The following TNR variants were observed in gnomAD, a reference collection of about 807,000 sequenced individuals.
TNR encodes the protein tenascin-R.
TNR carries 45 observed loss-of-function variants against 150.4 expected under a neutral mutation model. That is an observed-to-expected ratio of 0.30 (90% CI 0.24 to 0.38). The LOEUF (loss-of-function observed/expected upper bound fraction) is 0.38, where lower values mean the gene tolerates loss of function less well. Among genes scored for constraint, TNR ranks in the 10% least tolerant of loss-of-function variants. The pLI, the probability that TNR is intolerant of heterozygous loss-of-function variation, is 1.00. For synonymous variants in TNR, 687 were observed against 678.4 expected, an observed-to-expected ratio of 1.01 and a Z score of -0.20; for missense variants, 1,544 against 1,759.1, an observed-to-expected ratio of 0.88 and a Z score of 2.19.
chr1:175,424,264 G>A (rs1654874752), intron 2 of TNR, among the ~76,000 whole-genome samples: 1 of 152,196 alleles, frequency 6.6e-6, no homozygotes, highest in South Asian at 2.1e-4. Flanking sequence ...GTCTAAGGTT[G>A]ACTTCAGTCT....
chr1:175,569,382 G>A (rs995397013), intron 1 of TNR, among the ~76,000 whole-genome samples: 8 of 152,132 alleles, frequency 5.3e-5, no homozygotes, highest in Non-Finnish European at 1.0e-4. Context: ...GTCCACAAAA[G>A]AACCAAAGAT....
intron 2 of TNR, among the ~76,000 whole-genome samples, chr1:175,502,900 C>A (rs1658796512): frequency 6.7e-6 from 1 of 149,406 alleles, no homozygotes; most frequent in Non-Finnish European, 1.5e-5. Flanking sequence ...GATGGATGGA[C>A]CCCCTAGACG....
rs867681860 is a variant in TNR at position 175,382,900 on chromosome 1, C to T, written c.1777+3132G>A. On this transcript the variant is annotated intron_variant, in intron 8 of 22. Coordinates refer to ENST00000367674, the MANE Select transcript of TNR (RefSeq NM_003285.3). Reference sequence around the variant, plus strand: ...TGGGTGACAGAGTGAGACTCCATCTCAAAAAAAAAAAAAAAGAAAAATTAT... The same window carrying T: ...TGGGTGACAGAGTGAGACTCCATCTTAAAAAAAAAAAAAAAGAAAAATTAT... 5.8e-5 allele frequency among the ~76,000 whole-genome samples: 6 copies of T among 103,702 alleles called. No individual in the cohort carries two copies. The Admixed American group carries it at 6.1e-4, about 11-fold the overall frequency. The allele number at this position is 103,702 out of a possible 152,430, so 68.0% of individuals were successfully genotyped here.
In TNR at chr1:175,391,180, G is replaced by C. The variant is rs1007746681; in HGVS notation, c.1507+108C>G. The C allele has an allele frequency of 2.1e-6, 3 of 1,419,208 alleles. No individual in the cohort carries two copies. In the Admixed American group the frequency reaches 6.5e-5, roughly 31 times the overall value. The allele number at this position is 1,419,208 out of a possible 1,614,324, so 87.9% of individuals were successfully genotyped here. ...AGGTACCAGAATTGTCCCAGCTCTA[G>C]GAGAAATTCTAGCACCTCTGTTGTC... On this transcript the variant is annotated intron_variant, in intron 7 of 22. Coordinates refer to ENST00000367674, the MANE Select transcript of TNR (RefSeq NM_003285.3).
chr1:175,337,539 C>T lies in TNR; in HGVS notation c.3523G>A (p.Gly1175Ser). The T allele has an allele frequency of 6.2e-7, 1 of 1,613,224 alleles. No homozygotes were observed. The highest frequency in any genetic ancestry group is 8.5e-7 in the Non-Finnish European group (1 of 1,180,004). ...CAGATTGTACTTACAATCCAGCCGC[C>T]CCCGTCGGTGGTCATATCACAGTAC... ...QVYCDMTTDG[G>S]GWIVFQRRQN... The change falls in exon 19 of 23, where the codon GGC becomes AGC. Residue 1175 changes from glycine (G) to serine (S), a missense_variant. Coordinates refer to ENST00000367674, the MANE Select transcript of TNR (RefSeq NM_003285.3).
intron 1 of TNR, among the ~76,000 whole-genome samples, chr1:175,711,005 A>G (rs1402382267): frequency 6.6e-6 from 1 of 152,064 alleles, no homozygotes; most frequent in Non-Finnish European, 1.5e-5. Flanking sequence ...TACACCTCTT[A>G]CCTGCTAAGG....
At chr1:175,677,254 A>G (rs1469820899) in intron 1 of TNR, among the ~76,000 whole-genome samples, 1 of 152,202 alleles carries the variant, frequency 6.6e-6, no homozygotes, top group African/African-American at 2.4e-5. Flanking sequence ...ACCAGAGTGC[A>G]TTCAGTGAGG....
chr1:175,714,119 T>A (rs895053193), intron 1 of TNR, among the ~76,000 whole-genome samples: 1 of 151,736 alleles, frequency 6.6e-6, no homozygotes, highest in Non-Finnish European at 1.5e-5. Context: ...TGCCCTCTCT[T>A]TAAAACTCCT....
intron 1 of TNR, among the ~76,000 whole-genome samples, chr1:175,645,854 A>G (rs1336697867): frequency 6.6e-6 from 1 of 152,222 alleles, no homozygotes; most frequent in Non-Finnish European, 1.5e-5. Flanking sequence ...AATACTGAAT[A>G]CTGTCAAATA....
chr1:175,414,412 C>T (rs941220815), intron 2 of TNR, among the ~76,000 whole-genome samples: 1 of 152,114 alleles, frequency 6.6e-6, no homozygotes, highest in Non-Finnish European at 1.5e-5. Flanking sequence ...ACCCAAGGCT[C>T]AACGATACAC....
chr1:175,731,483 G>A (rs1571800208), intron 1 of TNR, among the ~76,000 whole-genome samples: 2 of 151,998 alleles, frequency 1.3e-5, no homozygotes, highest in Non-Finnish European at 2.9e-5. Flanking sequence ...CTTTCTACTG[G>A]GGGAATAAAC....
At chr1:175,379,170 A>G (rs1371834906) in intron 9 of TNR, among the ~76,000 whole-genome samples, 29 of 113,864 alleles carry the variant, frequency 2.5e-4, no homozygotes, top group African/African-American at 1.0e-3. Context: ...TAAGAGTGAA[A>G]CTCCGTCTCA....
chr1:175,565,342 C>G (rs115400462), intron 1 of TNR, among the ~76,000 whole-genome samples: 1 of 152,210 alleles, frequency 6.6e-6, no homozygotes, highest in African/African-American at 2.4e-5. Context: ...AATCTACAAA[C>G]GAGGTCAGAC....
At chr1:175,331,868 T>C (rs1649952268) in intron 20 of TNR, among the ~76,000 whole-genome samples, 1 of 152,162 alleles carries the variant, frequency 6.6e-6, no homozygotes, top group Non-Finnish European at 1.5e-5. Context: ...AGAGGTGAAA[T>C]GATTGGCTGA....
chr1:175,417,011 A>AAAGAAAGAAAGAAAGAAAGAAAG lies in TNR; in HGVS notation c.-63-10235_-63-10234insCTTTCTTTCTTTCTTTCTTTCTT, dbSNP rs1553218221. On this transcript the variant is annotated intron_variant, in intron 2 of 22. Coordinates refer to ENST00000367674, the MANE Select transcript of TNR (RefSeq NM_003285.3). ...CTACAGAGCGAGACTCCATCTCAAA[A>AAAGAAAGAAAGAAAGAAAGAAAG]AAAGAAAGAAAGAAAGAAAGAAAGA... Among the ~76,000 whole-genome samples the AAAGAAAGAAAGAAAGAAAGAAAG allele has an allele frequency of 8.8e-4, 80 of 90,902 alleles. 1 individual carries two copies. Among genetic ancestry groups the AAAGAAAGAAAGAAAGAAAGAAAG allele is most frequent in the African/African-American group, 3.3e-3 (73 of 21,890 alleles). 59.6% of individuals were successfully genotyped at this position (90,902 alleles called of 152,430 possible).
At chr1:175,627,668 A>G (rs1664195650) in intron 1 of TNR, among the ~76,000 whole-genome samples, 1 of 152,142 alleles carries the variant, frequency 6.6e-6, no homozygotes, top group African/African-American at 2.4e-5. Flanking sequence ...CTCTAATTGT[A>G]ATGATCATCA....
chr1:175,454,874 A>G (rs1035454979), intron 2 of TNR, among the ~76,000 whole-genome samples: 13 of 152,180 alleles, frequency 8.5e-5, no homozygotes, highest in Non-Finnish European at 7.3e-5. Context: ...GCTTTAAAGT[A>G]TGGCTACAAG....
chr1:175,473,513 G>A (rs1657386939), intron 2 of TNR, among the ~76,000 whole-genome samples: 1 of 152,204 alleles, frequency 6.6e-6, no homozygotes, highest in African/African-American at 2.4e-5. Context: ...GGAAGCTCTA[G>A]GATGGGAAAA....
rs144426026 is a variant in TNR, at chr1:175,529,153, G to C, written c.-164-784C>G. Reference sequence around the variant, plus strand: ...GAAGTGTCAACACAGTTGGTGGCTCGATAATTATGCCTTCAAGGGCTTGCT... The same window carrying C: ...GAAGTGTCAACACAGTTGGTGGCTCCATAATTATGCCTTCAAGGGCTTGCT... On this transcript the variant is annotated intron_variant, in intron 1 of 22. Transcript: ENST00000367674. Among the ~76,000 whole-genome samples the C allele has an allele frequency of 3.6e-4, 55 of 152,300 alleles. No homozygotes were observed. In the East Asian group the frequency reaches 9.7e-3, roughly 27 times the overall value.
Sources: allele counts gnomAD v4.1 joint callset (sites outside exome capture counted in the v4.1 genomes callset), GRCh38; gene constraint gnomAD v4.1.1; transcripts MANE v1.5; gene names NCBI Gene and HGNC (gene_info 2026-07-23, HGNC 2026-07-21).